TFB2M: variants seen among roughly 807,000 people sequenced by gnomAD.
TFB2M encodes the protein dimethyladenosine transferase 2, mitochondrial.
A neutral mutation model predicts 41.3 loss-of-function variants in TFB2M; 44 were observed. That is an observed-to-expected ratio of 1.07 (90% confidence interval 0.84 to 1.37). The LOEUF (loss-of-function observed/expected upper bound fraction) is 1.37. Ranked by LOEUF, TFB2M falls within the 40% of genes most tolerant of loss-of-function variation. The probability of loss-of-function intolerance (pLI) is 0.00; values close to 1 mark genes in which losing one functional copy is unlikely to be tolerated. For missense variants in TFB2M, 496 were observed against 490.2 expected, an observed-to-expected ratio of 1.01 and a Z score of -0.11; for synonymous variants, 188 against 176.8, an observed-to-expected ratio of 1.06 and a Z score of -0.50.
chr1:246,551,684 C>T (rs1659188812), intron 4 of TFB2M, among the ~76,000 whole-genome samples: 1 of 145,368 alleles, frequency 6.9e-6, no homozygotes, highest in South Asian at 2.2e-4. Flanking sequence ...AGTGAGACCG[C>T]ATCTCTTAAA....
intron 3 of TFB2M, among the ~76,000 whole-genome samples, chr1:246,556,992 G>A (rs1659340727): frequency 6.6e-6 from 1 of 151,946 alleles, no homozygotes; most frequent in Non-Finnish European, 1.5e-5. Flanking sequence ...ACACAAATTC[G>A]GCGGGGTACG....
intron 4 of TFB2M, among the ~76,000 whole-genome samples, chr1:246,554,777 G>A (rs1355732357): frequency 6.6e-6 from 1 of 152,062 alleles, no homozygotes; most frequent in African/African-American, 2.4e-5. Context: ...CTGGTCCCTG[G>A]TGCCAAAGAT....
chr1:246,560,220 C>G (rs1003020214), intron 2 of TFB2M, among the ~76,000 whole-genome samples: 1 of 152,118 alleles, frequency 6.6e-6, no homozygotes, highest in Non-Finnish European at 1.5e-5. Context: ...ATAGCATTAA[C>G]ATAATCTTTC....
intron 4 of TFB2M, among the ~76,000 whole-genome samples, chr1:246,556,084 C>T (rs1000245858): frequency 2.6e-5 from 4 of 152,140 alleles, no homozygotes; most frequent in Admixed American, 2.6e-4. Flanking sequence ...AGCCACCGTG[C>T]CCGGCCAGAA....
chr1:246,551,553 A>G (rs955877072), intron 4 of TFB2M, among the ~76,000 whole-genome samples: 3 of 152,168 alleles, frequency 2.0e-5, no homozygotes, highest in Admixed American at 2.0e-4. Context: ...GTGAATAGCC[A>G]CAGCACTCCG....
intron 7 of TFB2M, 40 bp from the exon 8 acceptor site, chr1:246,541,242 T>C (rs1433657008): frequency 6.3e-7 from 1 of 1,583,832 alleles, no homozygotes; most frequent in Non-Finnish European, 8.6e-7. Flanking sequence ...TAATTCTTTC[T>C]CATGCATCTA....
At chr1:246,555,187 C>T (rs1462628286) in intron 4 of TFB2M, among the ~76,000 whole-genome samples, 1 of 152,130 alleles carries the variant, frequency 6.6e-6, no homozygotes, top group South Asian at 2.1e-4. Flanking sequence ...ACCCAGAAAA[C>T]GACTCTCAGT....
chr1:246,547,923 G>A (rs1414434216), intron 6 of TFB2M, among the ~76,000 whole-genome samples: 1 of 149,598 alleles, frequency 6.7e-6, no homozygotes, highest in Non-Finnish European at 1.5e-5. Context: ...ATTCAACCAT[G>A]TAATAAGAGT....
At chr1:246,546,145 TC>T (rs1354750027) in intron 6 of TFB2M, among the ~76,000 whole-genome samples, 12 of 81,734 alleles carry the variant, frequency 1.5e-4, no homozygotes, top group African/African-American at 5.0e-4. Context: ...GGAGACTCCT[TC>T]TTTACAAACA....
intron 3 of TFB2M, 98 bp from the exon 4 acceptor site, chr1:246,556,819 A>G (rs1659336289): frequency 3.0e-6 from 3 of 1,014,362 alleles, no homozygotes; most frequent in Admixed American, 3.1e-5. Context: ...AAACTATATT[A>G]ATTTCAAGTT....
chr1:246,549,103 A>G (rs557844771), intron 5 of TFB2M, among the ~76,000 whole-genome samples: 35 of 151,930 alleles, frequency 2.3e-4, no homozygotes, highest in Non-Finnish European at 4.0e-4. Context: ...TGGGAGGCCA[A>G]AGTGGGAGGG....
At chr1:246,554,390 C>T (rs1043372129) in intron 4 of TFB2M, among the ~76,000 whole-genome samples, 2 of 152,110 alleles carry the variant, frequency 1.3e-5, no homozygotes, top group African/African-American at 2.4e-5. Context: ...AGGCGTCATC[C>T]GTATTTATAG....
Position 246,561,710 on chromosome 1 carries a change from C to T in TFB2M, c.402+2636G>A, listed in dbSNP as rs186111517. Among the ~76,000 whole-genome samples the T allele has an allele frequency of 1.3e-3, 194 of 152,300 alleles. 1 individual carries two copies. In the East Asian group the frequency reaches 0.014, roughly 11 times the overall value. Reference sequence around the variant, plus strand: ...TCTTGAACTCCTGACCTCAAGTGACCTGCCCGCCTTGGCCTCCCAAAGTGC... The same window carrying T: ...TCTTGAACTCCTGACCTCAAGTGACTTGCCCGCCTTGGCCTCCCAAAGTGC... On this transcript the variant is annotated intron_variant, in intron 2 of 7. Transcript: ENST00000366514.
At chr1:246,551,905 C>T (rs1319066207) in intron 4 of TFB2M, among the ~76,000 whole-genome samples, 1 of 152,196 alleles carries the variant, frequency 6.6e-6, no homozygotes, top group Admixed American at 6.5e-5. Flanking sequence ...GTATGCACAG[C>T]CCCAAGGTCC....
intron 4 of TFB2M, among the ~76,000 whole-genome samples, chr1:246,552,602 G>A (rs1002883481): frequency 6.6e-6 from 1 of 152,074 alleles, no homozygotes; most frequent in African/African-American, 2.4e-5. Flanking sequence ...GGGAGGCTGA[G>A]GCAGGAGTGT....
chr1:246,563,626 G>A (rs1168183326), intron 2 of TFB2M, among the ~76,000 whole-genome samples: 1 of 151,826 alleles, frequency 6.6e-6, no homozygotes, highest in Non-Finnish European at 1.5e-5. Context: ...AAAAGTCAGG[G>A]ATGATGACGA....
At position 246,555,204 on chromosome 1, in the gene TFB2M, G is replaced by A. The variant is rs143876114; in HGVS notation, c.705+1369C>T. Reference sequence around the variant, plus strand: ...CCAGAAAACGACTCTCAGTAATGCTGTGGAGAAATCGGAACCCTTGTGCAC... The same window carrying A: ...CCAGAAAACGACTCTCAGTAATGCTATGGAGAAATCGGAACCCTTGTGCAC... On this transcript the variant is annotated intron_variant, in intron 4 of 7. Coordinates refer to ENST00000366514, the MANE Select transcript of TFB2M (RefSeq NM_022366.3). Among the ~76,000 whole-genome samples the A allele has an allele frequency of 1.4e-3, 209 of 152,334 alleles. 1 individual carries two copies. Among genetic ancestry groups the A allele is most frequent in the African/African-American group, 4.8e-3 (200 of 41,582 alleles).
rs144176224 is a variant in TFB2M at position 246,566,171 on chromosome 1, C to T, written c.-33G>A. On this transcript the variant is annotated 5_prime_UTR_variant, in exon 1 of 8. In the 5' UTR this introduces an upstream ATG that the reference lacks. Transcript: ENST00000366514. Reference sequence around the variant, plus strand: ...TCTCTCAGGCCCGCTCCAAGAATCACCTAGTGCAGCTACTACAGTGAACCC... The same window carrying T: ...TCTCTCAGGCCCGCTCCAAGAATCATCTAGTGCAGCTACTACAGTGAACCC... 3,008 of 1,586,674 alleles carry T rather than the reference C, an allele frequency of 1.9e-3. 47 individuals are homozygous for T. The African/African-American group carries it at 0.036, about 19-fold the overall frequency.
chr1:246,545,544 G>A (rs4545307), intron 6 of TFB2M, among the ~76,000 whole-genome samples: 58,016 of 151,458 alleles, frequency 0.38, 12,253 homozygotes, highest in Non-Finnish European at 0.48. Context: ...CTTGCTTAAT[G>A]TTTGCTATGA....
Sources: allele counts gnomAD v4.1 joint callset (sites outside exome capture counted in the v4.1 genomes callset), GRCh38; gene constraint gnomAD v4.1.1; transcripts MANE v1.5; gene names NCBI Gene and HGNC (gene_info 2026-07-23, HGNC 2026-07-21).